DPP6: variants seen among roughly 807,000 people sequenced by gnomAD.
DPP6 encodes the protein dipeptidyl peptidase like 6, also known as A-type potassium channel modulatory protein DPP6.
A neutral mutation model predicts 122.6 loss-of-function variants in DPP6; 69 were observed. That is an observed-to-expected ratio of 0.56 (90% confidence interval 0.46 to 0.69). DPP6 has a LOEUF of 0.69. DPP6 is among the 30% of genes least tolerant of loss of function. DPP6 has a pLI of 0.00. For missense variants in DPP6, 928 were observed against 1,116.9 expected (o/e 0.83, Z 2.41); for synonymous variants, 418 against 433.1 (o/e 0.97, Z 0.43).
At chr7:154,238,160 T>C (rs886548893) in intron 1 of DPP6, among the ~76,000 whole-genome samples, 6 of 152,250 alleles carry the variant, frequency 3.9e-5, no homozygotes, top group African/African-American at 1.2e-4. Context: ...AATTGCAATA[T>C]TGATCTTGTC....
intron 3 of DPP6, among the ~76,000 whole-genome samples, chr7:154,500,336 T>C (rs1825124853): frequency 6.6e-6 from 1 of 152,184 alleles, no homozygotes; most frequent in Non-Finnish European, 1.5e-5. Context: ...GTTATGGGAA[T>C]TTTGTCTAAG....
At chr7:154,465,999 A>T (rs1297881473) in intron 2 of DPP6, among the ~76,000 whole-genome samples, 3 of 152,220 alleles carry the variant, frequency 2.0e-5, no homozygotes. Context: ...AATGTGGCAC[A>T]TATATACCAT....
At chr7:154,063,702 G>A (rs1220629451) in intron 1 of DPP6, among the ~76,000 whole-genome samples, 2 of 137,994 alleles carry the variant, frequency 1.4e-5, no homozygotes, top group Non-Finnish European at 3.1e-5. Flanking sequence ...CCTCCCGTGA[G>A]GTGGGGACTG....
chr7:154,327,461 A>G (rs1808544877), intron 1 of DPP6, among the ~76,000 whole-genome samples: 1 of 152,212 alleles, frequency 6.6e-6, no homozygotes, highest in Non-Finnish European at 1.5e-5. Context: ...TTGCGAGTGA[A>G]GATAAAGGTA....
At chr7:154,406,841 T>C (rs1480375068) in intron 1 of DPP6, among the ~76,000 whole-genome samples, 4 of 152,172 alleles carry the variant, frequency 2.6e-5, no homozygotes, top group African/African-American at 9.7e-5. Flanking sequence ...AATGCCAAGA[T>C]AGAGTATATA....
chr7:154,623,558 G>A (rs886553710), intron 5 of DPP6, among the ~76,000 whole-genome samples: 6 of 137,544 alleles, frequency 4.4e-5, no homozygotes, highest in Non-Finnish European at 8.0e-5. Flanking sequence ...ACGCACACAC[G>A]CAACACGCAC....
Position 154,880,926 on chromosome 7 carries a change from T to C in DPP6, c.2117T>C (p.Val706Ala). ...GAGCAGTACATTGACAGGACGCGCGTGGCCGTGTTTGGGAAGGTGAGTCTG... is the reference window on the plus strand; with the variant it reads ...GAGCAGTACATTGACAGGACGCGCGCGGCCGTGTTTGGGAAGGTGAGTCTG... ...LKEQYIDRTR[V>A]AVFGKDYGGY... is the part of the protein sequence containing the mutation. Residue 706 changes from valine (V) to alanine (A), a missense_variant, in exon 21 of 26, where the codon GTG becomes GCG. By Grantham distance (64) the Val-to-Ala change is moderately conservative (BLOSUM62 0). Coordinates refer to ENST00000377770, the MANE Select transcript of DPP6 (RefSeq NM_130797.4). 1 of 1,613,894 alleles carries C rather than the reference T, an allele frequency of 6.2e-7. No individual in the cohort carries two copies. Among genetic ancestry groups the C allele is most frequent in the Non-Finnish European group, 8.5e-7 (1 of 1,179,870 alleles).
At chr7:153,827,054 C>T in the DPP6 span, among the ~76,000 whole-genome samples, 1 of 151,228 alleles carries the variant, frequency 6.6e-6, no homozygotes, top group Non-Finnish European at 1.5e-5. Flanking sequence ...GTGTTGAAGA[C>T]CATGTTTGAA....
chr7:153,916,687 G>A (rs1585027226), intron 1 of DPP6, among the ~76,000 whole-genome samples: 2 of 152,138 alleles, frequency 1.3e-5, no homozygotes, highest in African/African-American at 2.4e-5. Context: ...GATTACAAGC[G>A]TGAGCTACTG....
At chr7:154,491,930 G>T (rs1202876485) in intron 3 of DPP6, among the ~76,000 whole-genome samples, 2 of 152,072 alleles carry the variant, frequency 1.3e-5, no homozygotes, top group Non-Finnish European at 2.9e-5. Context: ...AGTGATTTCT[G>T]TCCAAGCTCA....
intron 1 of DPP6, among the ~76,000 whole-genome samples, chr7:154,145,622 G>A (rs1214111141): frequency 4.6e-4 from 62 of 134,550 alleles, no homozygotes; most frequent in African/African-American, 1.7e-3. Context: ...CAAGGAGGGT[G>A]CCAGCTACGG....
At chr7:154,517,569 T>G (rs926008222) in intron 3 of DPP6, among the ~76,000 whole-genome samples, 2 of 152,142 alleles carry the variant, frequency 1.3e-5, no homozygotes, top group African/African-American at 4.8e-5. Context: ...TCTGTACTTG[T>G]ATGAGAGTTA....
chr7:154,725,728 A>G (rs1842033859), intron 7 of DPP6, among the ~76,000 whole-genome samples: 1 of 152,136 alleles, frequency 6.6e-6, no homozygotes, highest in Non-Finnish European at 1.5e-5. Context: ...CTTCCCAACA[A>G]TCTCCCAAAG....
chr7:154,235,687 G>T (rs10276000), intron 1 of DPP6, among the ~76,000 whole-genome samples: 8,675 of 151,852 alleles, frequency 0.057, 842 homozygotes, highest in African/African-American at 0.2. Flanking sequence ...TAGAATCCCT[G>T]TTTTTCTTTT....
At chr7:153,935,180 G>A (rs1801373219) in intron 1 of DPP6, among the ~76,000 whole-genome samples, 1 of 152,108 alleles carries the variant, frequency 6.6e-6, no homozygotes, top group African/African-American at 2.4e-5. Flanking sequence ...GCTCTGCGGG[G>A]CAGACAGTGA....
Position 154,483,915 on chromosome 7 carries a change from G to A in DPP6, c.457+8878G>A, listed in dbSNP as rs1260864001. 6.6e-6 allele frequency among the ~76,000 whole-genome samples: 1 copy of A among 152,122 alleles called. No individual in the cohort carries two copies. Among genetic ancestry groups the A allele is most frequent in the Non-Finnish European group, 1.5e-5 (1 of 68,026 alleles). On this transcript the variant is annotated intron_variant, in intron 3 of 25. Transcript: ENST00000377770. This position sits in a 1 kb window ranked among gnomAD's most constrained non-coding sequence, Gnocchi z 8.1. ...TCCCCATATTGCTCAGGCTGGTCTTGAACTCCTGACCTCGTGATCTGCCCG... is the reference window on the plus strand; with the variant it reads ...TCCCCATATTGCTCAGGCTGGTCTTAAACTCCTGACCTCGTGATCTGCCCG...
rs748442002 is a variant in DPP6, at chr7:154,481,505, CTG to C, written c.457+6471_457+6472del. On this transcript the variant is annotated intron_variant, in intron 3 of 25. Coordinates refer to ENST00000377770, the MANE Select transcript of DPP6 (RefSeq NM_130797.4). The surrounding 1 kb of genome is among the most constrained non-coding windows in gnomAD (Gnocchi z 4.2). ...CTCTTCACAGACCCCCCGCTGCCCA[CTG>C]TGCGAGCACAGCCCTGGCCCCCCGA... Among the ~76,000 whole-genome samples the C allele has an allele frequency of 3.3e-5, 5 of 151,808 alleles. No individual in the cohort carries two copies. The highest frequency in any genetic ancestry group is 4.8e-5 in the African/African-American group (2 of 41,342).
intron 3 of DPP6, among the ~76,000 whole-genome samples, chr7:154,491,341 TC>T (rs1219937521): frequency 6.6e-5 from 10 of 152,098 alleles, no homozygotes; most frequent in African/African-American, 2.2e-4. Flanking sequence ...CTGTTAGCGC[TC>T]CCCCAGGTTC....
At chr7:153,966,936 A>G (rs1295279729) in intron 1 of DPP6, among the ~76,000 whole-genome samples, 1 of 151,384 alleles carries the variant, frequency 6.6e-6, no homozygotes, top group Non-Finnish European at 1.5e-5. Context: ...GCTTAGTGTC[A>G]TCTGCCTGTA....
Sources: allele counts gnomAD v4.1 joint callset (sites outside exome capture counted in the v4.1 genomes callset), GRCh38; gene constraint gnomAD v4.1.1; non-coding constraint Gnocchi (gnomAD v3.1); transcripts MANE v1.5; gene names NCBI Gene and HGNC (gene_info 2026-07-23, HGNC 2026-07-21).